EP400: variants seen among roughly 807,000 people sequenced by gnomAD.
The protein encoded by EP400 is E1A-binding protein p400.
A neutral mutation model predicts 354.1 loss-of-function variants in EP400; 105 were observed. The observed-to-expected ratio is 0.30, with a 90% CI of 0.25 to 0.35. EP400 has a LOEUF of 0.35. EP400 is among the 10% of genes least tolerant of loss of function. The probability of loss-of-function intolerance (pLI) is 1.00; values close to 1 mark genes in which losing one functional copy is unlikely to be tolerated. For missense variants in EP400, 3,280 were observed against 4,121.0 expected (o/e 0.80, Z 5.59); for synonymous variants, 1,646 against 1,716.9 (o/e 0.96, Z 1.02).
chr12:132,076,770 G>A (rs1896251586), intron 52 of EP400, among the ~76,000 whole-genome samples, 177 bp downstream of exon 52: 1 of 152,260 alleles, frequency 6.6e-6, no homozygotes. Flanking sequence ...AGCGTTTAGA[G>A]GTTGTGTCAG....
chr12:131,971,460 T>C (rs1892285848), intron 2 of EP400, among the ~76,000 whole-genome samples: 1 of 152,210 alleles, frequency 6.6e-6, no homozygotes, highest in South Asian at 2.1e-4. Flanking sequence ...CAGATACCTC[T>C]TCAAGACACG....
intron 2 of EP400, among the ~76,000 whole-genome samples, chr12:131,965,102 G>T (rs1892032573): frequency 6.6e-6 from 1 of 152,234 alleles, no homozygotes; most frequent in Admixed American, 6.5e-5. Context: ...ATGTATTTTT[G>T]AGAAGATTGC....
rs1220968435 is a variant in EP400, at chr12:132,045,569, G to A, written c.7026+9G>A. ...ACTGGGCGCTGCTGCAGGTAGGTGGGCGTGGTCTTTGTGCCAGCGGTCATG... is the reference window on the plus strand; with the variant it reads ...ACTGGGCGCTGCTGCAGGTAGGTGGACGTGGTCTTTGTGCCAGCGGTCATG... On this transcript the variant is annotated intron_variant, in intron 38 of 52. Transcript: ENST00000389561. The A allele has an allele frequency of 6.2e-7, 1 of 1,613,218 alleles. No homozygotes were observed. The highest frequency in any genetic ancestry group is 8.5e-7 in the Non-Finnish European group (1 of 1,179,434).
chr12:132,030,567 C>G (rs1358523400), intron 29 of EP400, among the ~76,000 whole-genome samples: 2 of 152,210 alleles, frequency 1.3e-5, no homozygotes, highest in African/African-American at 2.4e-5. Context: ...CAGACACTCT[C>G]ATATCCTCCC....
chr12:132,005,383 G>A lies in EP400; in HGVS notation c.2935+199G>A, dbSNP rs530543513. On this transcript the variant is annotated intron_variant, in intron 13 of 52. Transcript: ENST00000389561. Reference sequence around the variant, plus strand: ...TTATTAACCTGGCACAGTTATCGGGGCACTTGATCATGTTGTGAAGGATGT... The same window carrying A: ...TTATTAACCTGGCACAGTTATCGGGACACTTGATCATGTTGTGAAGGATGT... Among the ~76,000 whole-genome samples, 446 of 152,154 alleles carry A rather than the reference G, an allele frequency of 2.9e-3. 4 individuals are homozygous for A. Among genetic ancestry groups the A allele is most frequent in the African/African-American group, 0.01 (432 of 41,474 alleles).
chr12:132,046,244 C>CAT (rs890741573), intron 39 of EP400, among the ~76,000 whole-genome samples: 18 of 152,180 alleles, frequency 1.2e-4, no homozygotes, highest in African/African-American at 3.4e-4. Context: ...AATACTTGGC[C>CAT]ATATATATAT....
At position 132,066,650 on chromosome 12, in the gene EP400, GC is replaced by G; in HGVS notation, c.8554-122del. The G allele has an allele frequency of 3.9e-6, 4 of 1,026,438 alleles. No homozygotes were observed. The South Asian group carries it at 6.4e-5, about 16-fold the overall frequency. The allele number at this position is 1,026,438 out of a possible 1,614,324, so 63.6% of individuals were successfully genotyped here. Reference sequence around the variant, plus strand: ...TCTCTCAGTTTTCCTTTCCTGTTGGGCCACTTTAAACTTTGTTGATCTTTGT... The same window carrying G: ...TCTCTCAGTTTTCCTTTCCTGTTGGGCACTTTAAACTTTGTTGATCTTTGT... On this transcript the variant is annotated intron_variant, in intron 48 of 52. Transcript: ENST00000389561.
intron 12 of EP400, among the ~76,000 whole-genome samples, chr12:132,004,830 C>T (rs190450135): frequency 6.6e-6 from 1 of 152,268 alleles, no homozygotes; most frequent in African/African-American, 2.4e-5. Context: ...CCCCTTGCAT[C>T]CCCCAACAAA....
At chr12:131,988,013 C>T (rs61944565) in intron 7 of EP400, 123 bp downstream of exon 7, 3 of 817,054 alleles carry the variant, frequency 3.7e-6, no homozygotes, top group Non-Finnish European at 5.2e-6. Flanking sequence ...TTTTTTCCCC[C>T]AGACAGGGTC....
At position 131,982,392 on chromosome 12, in the gene EP400, C is replaced by T. The variant is rs781768376; in HGVS notation, c.1843C>T (p.Pro615Ser). The T allele has an allele frequency of 1.2e-6, 2 of 1,614,202 alleles. No homozygotes were observed. Among genetic ancestry groups the T allele is most frequent in the Admixed American group, 3.3e-5 (2 of 60,032 alleles). ...APPSSQLPIP[P>S]SQPAQLALHV... ...GCCCAGCAGCCAACTCCCCATCCCTCCCTCGCAGCCTGCACAGCTGGCCCT... is the reference window on the plus strand; with the variant it reads ...GCCCAGCAGCCAACTCCCCATCCCTTCCTCGCAGCCTGCACAGCTGGCCCT... The change falls in exon 5 of 53, where the codon CCC becomes TCC. Residue 615 changes from proline to serine, a missense_variant. Physicochemically the swap from Pro to Ser is moderately conservative, Grantham distance 74 (BLOSUM62 -1). Coordinates refer to ENST00000389561, the MANE Select transcript of EP400 (RefSeq NM_015409.5).
chr12:132,037,650 C>G, intron 30 of EP400, 32 bp from the exon 31 acceptor site: 1 of 1,578,266 alleles, frequency 6.3e-7, no homozygotes, highest in Non-Finnish European at 8.7e-7. Flanking sequence ...TTCCTGGTGA[C>G]TGACTTAGCA....
Position 132,075,324 on chromosome 12 carries a change from G to T in EP400, c.9022-1192G>T, listed in dbSNP as rs73164911. Among the ~76,000 whole-genome samples the T allele has an allele frequency of 9.8e-3, 1,488 of 152,126 alleles. 21 individuals carry two copies. The highest frequency in any genetic ancestry group is 0.034 in the African/African-American group (1,397 of 41,486). ...GCGTCTCCATGTGGCCAGCGATCCC[G>T]GGCAGAGGTTGTGCAGCTTTTCTGC... is the stretch of plus-strand genomic sequence containing the variant. On this transcript the variant is annotated intron_variant, in intron 51 of 52. Transcript: ENST00000389561. This position sits in a 1 kb window ranked among gnomAD's most constrained non-coding sequence, Gnocchi z 4.5.
chr12:132,064,972 C>T lies in EP400; in HGVS notation c.8553+86C>T, dbSNP rs543703576. 1.8e-5 allele frequency: 27 copies of T among 1,509,654 alleles called. No homozygotes were observed. In the Admixed American group the frequency reaches 2.0e-4, roughly 11 times the overall value. The allele number at this position is 1,509,654 out of a possible 1,614,324, so 93.5% of individuals were successfully genotyped here. A position where few individuals can be genotyped will look rare whatever the true frequency, so the allele number is the denominator to read the frequency against. ...GTTGCGCTTGCTCAGGTGCGTGTCACGTGTTACAGGAGTGAGTGTGAGACG... is the reference window on the plus strand; with the variant it reads ...GTTGCGCTTGCTCAGGTGCGTGTCATGTGTTACAGGAGTGAGTGTGAGACG... On this transcript the variant is annotated intron_variant, in intron 48 of 52. Transcript: ENST00000389561.
Position 132,023,889 on chromosome 12 carries a change from G to C in EP400, c.4803G>C (p.Leu1601=). 1.2e-6 allele frequency: 2 copies of C among 1,613,008 alleles called. No individual in the cohort carries two copies. Among genetic ancestry groups the C allele is most frequent in the Non-Finnish European group, 1.7e-6 (2 of 1,179,628 alleles). Residue 1601 remains leucine (L), a synonymous_variant, in exon 24 of 53, where the codon CTG becomes CTC. Coordinates refer to ENST00000389561, the MANE Select transcript of EP400 (RefSeq NM_015409.5). ...TLQFQGSKFT[L]SHSQLRQLTA... is the part of the protein sequence containing the mutation. ...AGTTCCAGGGCAGCAAGTTCACCCT[G>C]TCACACAGCCAGCTCCGGCAGCTCA...
At chr12:132,060,558 C>G (rs984307627) in intron 45 of EP400, among the ~76,000 whole-genome samples, 1 of 152,148 alleles carries the variant, frequency 6.6e-6, no homozygotes, top group Non-Finnish European at 1.5e-5. Context: ...CAGCGGGGGT[C>G]GTTGTCGTGC....
In EP400 at chr12:132,044,664, C is replaced by T. The variant is rs1300508155; in HGVS notation, c.6586-7C>T. The T allele has an allele frequency of 3.1e-6, 5 of 1,614,136 alleles. No individual in the cohort carries two copies. Among genetic ancestry groups the T allele is most frequent in the Non-Finnish European group, 4.2e-6 (5 of 1,180,030 alleles). On this transcript the variant is annotated splice_polypyrimidine_tract_variant and splice_region_variant and intron_variant, in intron 35 of 52. Coordinates refer to ENST00000389561, the MANE Select transcript of EP400 (RefSeq NM_015409.5). Reference sequence around the variant, plus strand: ...GTGGAAGTCAGAGCTTGCCGTGTTCCCTACAGGAGTATGTCTACGAAGATG... The same window carrying T: ...GTGGAAGTCAGAGCTTGCCGTGTTCTCTACAGGAGTATGTCTACGAAGATG...
chr12:131,966,049 A>G (rs1341300450), intron 2 of EP400, among the ~76,000 whole-genome samples: 3 of 152,124 alleles, frequency 2.0e-5, no homozygotes, highest in African/African-American at 2.4e-5. Flanking sequence ...AAAAAAAAAA[A>G]AAAAGAAAAA....
intron 12 of EP400, among the ~76,000 whole-genome samples, chr12:131,995,785 G>T (rs998776460): frequency 2.0e-5 from 3 of 148,218 alleles, no homozygotes; most frequent in Admixed American, 6.7e-5. Context: ...TTCATCTTGA[G>T]TGTGTGAGAA....
In EP400 at chr12:131,994,950, A is replaced by T. The variant is rs372905617; in HGVS notation, c.2821A>T (p.Lys941Ter). The T allele has an allele frequency of 6.2e-7, 1 of 1,613,964 alleles. No individual in the cohort carries two copies. The highest frequency in any genetic ancestry group is 8.5e-7 in the Non-Finnish European group (1 of 1,179,852). The change falls in exon 12 of 53, where the codon AAG (lysine) becomes TAG (stop). Residue 941 changes from lysine (K) to a stop codon, truncating the protein, a stop_gained. Transcript: ENST00000389561. LOFTEE classifies it high-confidence loss of function. This position sits in a 1 kb window ranked among gnomAD's most constrained non-coding sequence, Gnocchi z 4.6. ...CCAAACAGAACTTTCTAATTTAGCC[A>T]AGGAAGGTAGGCTGTTGCTACCTTA... ...DHQTELSNLA[K>*]EAELPLLDLM...
Sources: gnomAD v4.1 joint callset for allele counts (sites outside exome capture counted in the v4.1 genomes callset) on GRCh38, gnomAD v4.1.1 for gene constraint, Gnocchi (gnomAD v3.1) non-coding constraint, MANE v1.5 for transcripts, NCBI Gene and HGNC (gene_info 2026-07-23, HGNC 2026-07-21) for gene names.